KIF22: variants seen among roughly 807,000 people sequenced by gnomAD.
KIF22 encodes the protein kinesin-like protein KIF22.
KIF22 carries 62 observed loss-of-function variants against 73.0 expected under a neutral mutation model. The ratio of observed to expected loss-of-function variants is 0.85; its 90% confidence interval spans 0.69 to 1.05. The LOEUF (loss-of-function observed/expected upper bound fraction) is 1.05. KIF22 is among the 50% of genes least tolerant of loss of function. The pLI is 0.00. For missense variants in KIF22, 854 were observed against 870.1 expected, an observed-to-expected ratio of 0.98 and a Z score of 0.23; for synonymous variants, 411 against 340.1, an observed-to-expected ratio of 1.21 and a Z score of -2.29.
intron 1 of KIF22, among the ~76,000 whole-genome samples, chr16:29,793,622 G>A (rs1172162977): frequency 1.3e-5 from 2 of 152,100 alleles, no homozygotes; most frequent in Non-Finnish European, 2.9e-5. Context: ...GACATTTGGA[G>A]ATGTCTGGAG....
chr16:29,804,847 A>G lies in KIF22; in HGVS notation c.1711A>G (p.Lys571Glu), dbSNP rs1567363278. ...ESLDALEPEE[K>E]AEDCWELQIS... ...CCTGGATGCCCTAGAGCCTGAGGAG[A>G]AGGCTGAGGACTGCTGGGAGCTACA... is the stretch of plus-strand genomic sequence containing the variant. Residue 571 changes from lysine to glutamate, a missense_variant, in exon 12 of 14, where the codon AAG becomes GAG. Lys to Glu is a moderately conservative substitution (Grantham distance 56). Around this residue, in one of 3 missense-constraint regions of KIF22, gnomAD observed 423 missense variants for 365.4 expected, o/e 1.16. Transcript: ENST00000160827. The G allele has an allele frequency of 5.0e-6, 8 of 1,613,078 alleles. No homozygotes were observed. The highest frequency in any genetic ancestry group is 1.3e-5 in the African/African-American group (1 of 75,012).
rs1288807516 is a variant in KIF22 at position 29,799,893 on chromosome 16, C to A, written c.1145-20C>A. 4 of 1,613,558 alleles carry A rather than the reference C, an allele frequency of 2.5e-6. No individual in the cohort carries two copies. The highest frequency in any genetic ancestry group is 3.4e-6 in the Non-Finnish European group (4 of 1,179,670). The stretch of plus-strand genomic sequence containing the variant: ...GACCACCCCCAATCCCTCTCTCCAC[C>A]CCATCCTCCAATCATCTAGCCTTGG... On this transcript the variant is annotated intron_variant, in intron 7 of 13. Transcript: ENST00000160827.
At chr16:29,805,214 C>T in intron 13 of KIF22, 40 bp downstream of exon 13, 1 of 1,614,040 alleles carries the variant, frequency 6.2e-7, no homozygotes, top group East Asian at 2.2e-5. Context: ...CTGTCCTGCG[C>T]CCCGCGCCCC....
chr16:29,798,922 G>A lies in KIF22; in HGVS notation c.550-53G>A, dbSNP rs1899028182. On this transcript the variant is annotated intron_variant, in intron 4 of 13. Coordinates refer to ENST00000160827, the MANE Select transcript of KIF22 (RefSeq NM_007317.3). The surrounding 1 kb of genome is among the most constrained non-coding windows in gnomAD (Gnocchi z 4.1). ...ACAGAGAAAGGAAACTGATCCCCAGGAAGAAACAGCCTCTCTATGGAGAAT... is the reference window on the plus strand; with the variant it reads ...ACAGAGAAAGGAAACTGATCCCCAGAAAGAAACAGCCTCTCTATGGAGAAT... 6.3e-7 allele frequency: 1 copy of A among 1,583,280 alleles called. No individual in the cohort carries two copies. Among genetic ancestry groups the A allele is most frequent in the Non-Finnish European group, 8.7e-7 (1 of 1,152,624 alleles).
intron 1 of KIF22, chr16:29,791,272 C>G (rs1898807918): frequency 6.0e-6 from 6 of 1,004,786 alleles, no homozygotes; most frequent in Non-Finnish European, 7.1e-6. Context: ...GGTGCAGAGA[C>G]ATCCCTGAGA....
At chr16:29,791,828 T>C (rs1209757173) in intron 1 of KIF22, among the ~76,000 whole-genome samples, 1 of 152,204 alleles carries the variant, frequency 6.6e-6, no homozygotes. Flanking sequence ...CCCAAGTACA[T>C]GTTATCCCTG....
rs1293185960 is a variant in KIF22 at position 29,797,208 on chromosome 16, C to T, written c.266+120C>T. ...CTTAGCACCGCTTTGTTCCCTGAGC[C>T]TTCACTGTTCACTTAGGAAATGTTG... On this transcript the variant is annotated intron_variant, in intron 2 of 13. Transcript: ENST00000160827. This position sits in a 1 kb window ranked among gnomAD's most constrained non-coding sequence, Gnocchi z 4.1. The T allele has an allele frequency of 5.7e-6, 4 of 705,268 alleles. No individual in the cohort carries two copies. The highest frequency in any genetic ancestry group is 1.9e-5 in the South Asian group (1 of 51,598). 43.7% of individuals were successfully genotyped at this position (705,268 alleles called of 1,614,324 possible).
In KIF22 at chr16:29,799,948, C is replaced by G; in HGVS notation, c.1180C>G (p.Leu394Val). The change falls in exon 8 of 14, where the codon CTT becomes GTT. Residue 394 changes from leucine (L) to valine (V), a missense_variant. Physicochemically the swap from Leu to Val is conservative, Grantham distance 32 (BLOSUM62 1). Around this residue, in one of 3 missense-constraint regions of KIF22, gnomAD observed 423 missense variants for 365.4 expected, o/e 1.16. Coordinates refer to ENST00000160827, the MANE Select transcript of KIF22 (RefSeq NM_007317.3). ...TGTTAAGCTGTCTCAGAAAGAATTG[C>G]TTGGTCCACCAGAGGCAAAGAGAGC... ...GPVKLSQKELLGPPEAKRARG... is the reference protein window; with the variant it reads ...GPVKLSQKELVGPPEAKRARG... The G allele has an allele frequency of 6.2e-7, 1 of 1,614,188 alleles. No homozygotes were observed. The highest frequency in any genetic ancestry group is 8.5e-7 in the Non-Finnish European group (1 of 1,180,022).
chr16:29,792,330 T>C, intron 1 of KIF22: 1 of 619,918 alleles, frequency 1.6e-6, no homozygotes. Context: ...AATAATTGTT[T>C]ACATGTGGCC....
chr16:29,799,136 C>T lies in KIF22; in HGVS notation c.711C>T (p.Thr237=), dbSNP rs761461411. 6.2e-7 allele frequency: 1 copy of T among 1,614,064 alleles called. No individual in the cohort carries two copies. The highest frequency in any genetic ancestry group is 1.1e-5 in the South Asian group (1 of 91,082). Reference sequence around the variant, plus strand: ...GTCGAAATCGGACTGTAGGAGCCACCCGGCTCAACCAGCGCTCCTCCCGCA... The same window carrying T: ...GTCGAAATCGGACTGTAGGAGCCACTCGGCTCAACCAGCGCTCCTCCCGCA... ...PASRNRTVGA[T]RLNQRSSRSH... The change falls in exon 5 of 14, where the codon ACC becomes ACT. Residue 237 remains threonine, a synonymous_variant. Transcript: ENST00000160827.
chr16:29,799,607 A>G (rs1367629405), intron 6 of KIF22, 21 bp from the exon 7 acceptor site: 12 of 1,613,808 alleles, frequency 7.4e-6, no homozygotes, highest in Non-Finnish European at 1.0e-5. Flanking sequence ...TGACCCACCC[A>G]CTGCCTGGTC....
At chr16:29,804,713 C>T (rs1017507776) in intron 11 of KIF22, 101 bp from the exon 12 acceptor site, 1 of 911,248 alleles carries the variant, frequency 1.1e-6, no homozygotes, top group African/African-American at 1.6e-5. Context: ...GAGGAAGAGG[C>T]TGGAGCGCAG....
Position 29,797,141 on chromosome 16 carries a change from C to T in KIF22, c.266+53C>T. 7.3e-7 allele frequency: 1 copy of T among 1,366,166 alleles called. No individual in the cohort carries two copies. The highest frequency in any genetic ancestry group is 1.0e-6 in the Non-Finnish European group (1 of 999,844). 84.6% of individuals were successfully genotyped at this position (1,366,166 alleles called of 1,614,324 possible). On this transcript the variant is annotated intron_variant, in intron 2 of 13. Coordinates refer to ENST00000160827, the MANE Select transcript of KIF22 (RefSeq NM_007317.3). The surrounding 1 kb of genome is among the most constrained non-coding windows in gnomAD (Gnocchi z 4.1). ...CATGCCATCACCTCCCTCTCCTAGG[C>T]CTGCCCACGTTCCCCTGCCTCCCCA...
At chr16:29,791,185 C>T in intron 1 of KIF22, 1 of 1,144,428 alleles carries the variant, frequency 8.7e-7, no homozygotes, top group Non-Finnish European at 1.1e-6. Context: ...GAGTGGCGGA[C>T]GCTCTAGCCA....
chr16:29,801,066 CTG>C (rs1899119818), intron 8 of KIF22, among the ~76,000 whole-genome samples: 1 of 152,192 alleles, frequency 6.6e-6, no homozygotes, highest in South Asian at 2.1e-4. Context: ...ACCATCTGGT[CTG>C]TGTGTCAGTG....
intron 1 of KIF22, among the ~76,000 whole-genome samples, chr16:29,792,144 C>G (rs1456189609): frequency 2.0e-5 from 3 of 151,602 alleles, no homozygotes; most frequent in Non-Finnish European, 4.4e-5. Context: ...ACAAGAACAG[C>G]AAGTGTTTTC....
intron 1 of KIF22, among the ~76,000 whole-genome samples, chr16:29,796,461 C>A (rs1898953285): frequency 6.6e-6 from 1 of 151,934 alleles, no homozygotes; most frequent in South Asian, 2.1e-4. Flanking sequence ...ATAATTCCAG[C>A]ACTTTGGGAG....
Position 29,798,862 on chromosome 16 carries a change from A to T in KIF22, c.550-113A>T. On this transcript the variant is annotated intron_variant, in intron 4 of 13. Coordinates refer to ENST00000160827, the MANE Select transcript of KIF22 (RefSeq NM_007317.3). This position sits in a 1 kb window ranked among gnomAD's most constrained non-coding sequence, Gnocchi z 4.1. ...TAAGGTGAGACCTAGAAAGACAGAG[A>T]CTGGGGTAGCAGATGGTACAACTCC... 6.5e-7 allele frequency: 1 copy of T among 1,532,244 alleles called. No homozygotes were observed. Among genetic ancestry groups the T allele is most frequent in the Non-Finnish European group, 9.0e-7 (1 of 1,116,440 alleles). 94.9% of individuals were successfully genotyped at this position (1,532,244 alleles called of 1,614,324 possible).
At chr16:29,795,383 T>C (rs235628) in intron 1 of KIF22, among the ~76,000 whole-genome samples, 140,022 of 152,238 alleles carry the variant, frequency 0.92, 65,470 homozygotes, top group Non-Finnish European at 1. Flanking sequence ...AGATTCTTTG[T>C]AGGGGTCATC....
Sources: gnomAD v4.1 joint callset for allele counts (sites outside exome capture counted in the v4.1 genomes callset) on GRCh38, gnomAD v4.1.1 for gene constraint, gnomAD v4.1.1 regional missense constraint, Gnocchi (gnomAD v3.1) non-coding constraint, MANE v1.5 for transcripts, NCBI Gene and HGNC (gene_info 2026-07-23, HGNC 2026-07-21) for gene names.